The following CELF2 variants were observed in gnomAD, a reference collection of about 807,000 sequenced individuals.
CELF2 encodes CUGBP Elav-like family member 2, also known as CUG triplet repeat RNA-binding protein 2.
A neutral mutation model predicts 62.6 loss-of-function variants in CELF2; 8 were observed. The ratio of observed to expected loss-of-function variants is 0.13; its 90% CI spans 0.07 to 0.23. The LOEUF (loss-of-function observed/expected upper bound fraction) is 0.23. Among genes scored for constraint, CELF2 ranks in the 10% least tolerant of loss-of-function variants. The pLI, the probability that CELF2 is intolerant of heterozygous loss-of-function variation, is 1.00. For synonymous variants in CELF2, 258 were observed against 250.0 expected (o/e 1.03, Z -0.30); for missense variants, 333 against 671.0 (o/e 0.50, Z 5.56).
chr10:10,686,261 T>G, the CELF2 span, among the ~76,000 whole-genome samples: 1 of 131,922 alleles, frequency 7.6e-6, no homozygotes, highest in East Asian at 2.3e-4. Flanking sequence ...CCTGGAAACT[T>G]AATTGCTAAA....
the CELF2 span, among the ~76,000 whole-genome samples, chr10:10,653,267 G>C: frequency 1.3e-5 from 2 of 151,796 alleles, no homozygotes; most frequent in Non-Finnish European, 2.9e-5. Flanking sequence ...CATTCATAAT[G>C]GGAGACTTTA....
At chr10:11,258,143 A>C (rs1287604053) in intron 5 of CELF2, among the ~76,000 whole-genome samples, 1 of 152,228 alleles carries the variant, frequency 6.6e-6, no homozygotes, top group Non-Finnish European at 1.5e-5. Flanking sequence ...CATCCTTTTC[A>C]ATCTCATATT....
chr10:11,009,357 G>A (rs185490918), intron 1 of CELF2, among the ~76,000 whole-genome samples: 1 of 152,188 alleles, frequency 6.6e-6, no homozygotes, highest in African/African-American at 2.4e-5. Flanking sequence ...GTGAGTGTGT[G>A]TGTGTGCGTG....
the CELF2 span, among the ~76,000 whole-genome samples, chr10:10,554,877 G>A: frequency 2.6e-5 from 4 of 152,166 alleles, no homozygotes; most frequent in African/African-American, 9.7e-5. Context: ...CATATAAGGT[G>A]TAAGATGCAA....
At chr10:10,639,217 C>T in the CELF2 span, among the ~76,000 whole-genome samples, 1 of 152,008 alleles carries the variant, frequency 6.6e-6, no homozygotes, top group African/African-American at 2.4e-5. Flanking sequence ...AATTAAATAC[C>T]CTAAGTGTCT....
rs34163796 is a variant in CELF2, at chr10:10,913,379, C to CTTT, written c.54-6559_54-6557dup. Among the ~76,000 whole-genome samples, 167 of 57,362 alleles carry CTTT rather than the reference C, an allele frequency of 2.9e-3. 36 individuals carry two copies. The highest frequency in any genetic ancestry group is 5.1e-3 in the African/African-American group (64 of 12,538). 37.6% of individuals were successfully genotyped at this position (57,362 alleles called of 152,430 possible). A position where few individuals can be genotyped will look rare whatever the true frequency, so the allele number is the denominator to read the frequency against. ...AATATATATGCCTTTGTAATGATGT[C>CTTT]TTTTTTTTTTTTTTTTTTTTTTTTT... On this transcript the variant is annotated intron_variant, in intron 1 of 13. Coordinates refer to the CELF2 transcript ENST00000636488.
chr10:10,976,489 A>G (rs1455102736), intron 2 of CELF2, among the ~76,000 whole-genome samples: 2 of 151,856 alleles, frequency 1.3e-5, no homozygotes, highest in East Asian at 3.9e-4. Context: ...TTTTATGTTA[A>G]GCCATTTTAC....
chr10:11,033,859 C>G (rs566816212), intron 1 of CELF2, among the ~76,000 whole-genome samples: 1 of 152,138 alleles, frequency 6.6e-6, no homozygotes, highest in Admixed American at 6.5e-5. Context: ...TTAGGACTTA[C>G]GAGTTACAAG....
At chr10:10,549,412 T>C in the CELF2 span, among the ~76,000 whole-genome samples, 1 of 152,178 alleles carries the variant, frequency 6.6e-6, no homozygotes, top group African/African-American at 2.4e-5. Context: ...GTCTCCCAAG[T>C]AGCTGAGACT....
rs1027590009 is a variant in CELF2 at position 11,207,478 on chromosome 10, G to T, written c.272-9947G>T. On this transcript the variant is annotated intron_variant, in intron 2 of 12. Coordinates refer to ENST00000633077, the MANE Select transcript of CELF2 (RefSeq NM_001326342.2). This position sits in a 1 kb window ranked among gnomAD's most constrained non-coding sequence, Gnocchi z 4.1. Reference sequence around the variant, plus strand: ...TGCCAGGGACCCCAGTGAGATCATTGTTCCCTCCCGGGCTGAAAAGGTGGC... The same window carrying T: ...TGCCAGGGACCCCAGTGAGATCATTTTTCCCTCCCGGGCTGAAAAGGTGGC... 3.9e-5 allele frequency among the ~76,000 whole-genome samples: 6 copies of T among 152,314 alleles called. No individual in the cohort carries two copies. The highest frequency in any genetic ancestry group is 1.9e-4 in the East Asian group (1 of 5,180).
At chr10:10,949,997 A>C (rs917346251) in intron 2 of CELF2, among the ~76,000 whole-genome samples, 4 of 152,076 alleles carry the variant, frequency 2.6e-5, no homozygotes, top group African/African-American at 9.7e-5. Context: ...TTCCCTTTCT[A>C]ACCTTTGGTT....
the CELF2 span, among the ~76,000 whole-genome samples, chr10:10,720,432 T>C: frequency 1.3e-5 from 2 of 152,130 alleles, no homozygotes; most frequent in South Asian, 4.1e-4. Context: ...TGATCACCTA[T>C]GAAAAGCGCC....
At position 11,328,149 on chromosome 10, in the gene CELF2, A is replaced by ATGAT. The variant is rs1310349596; in HGVS notation, c.1439-775_1439-772dup. On this transcript the variant is annotated intron_variant, in intron 12 of 12. Transcript: ENST00000633077. This position sits in a 1 kb window ranked among gnomAD's most constrained non-coding sequence, Gnocchi z 6.4. ...GTAAGAGATGGGGAATTCTCTTCAGATGATTAAGTTCTAAGCCGTTGACTA... is the reference window on the plus strand; with the variant it reads ...GTAAGAGATGGGGAATTCTCTTCAGATGATTGATTAAGTTCTAAGCCGTTGACTA... Among the ~76,000 whole-genome samples the ATGAT allele has an allele frequency of 1.1e-4, 17 of 152,152 alleles. No individual in the cohort carries two copies. Among genetic ancestry groups the ATGAT allele is most frequent in the African/African-American group, 4.1e-4 (17 of 41,432 alleles).
intron 2 of CELF2, among the ~76,000 whole-genome samples, chr10:10,998,005 A>T (rs969932457): frequency 3.3e-5 from 5 of 152,062 alleles, no homozygotes; most frequent in African/African-American, 4.8e-5. Flanking sequence ...GTCTCATGAG[A>T]TCTGATGGTT....
the CELF2 span, among the ~76,000 whole-genome samples, chr10:10,478,591 G>T: frequency 6.6e-6 from 1 of 152,106 alleles, no homozygotes; most frequent in Non-Finnish European, 1.5e-5. Context: ...ATGATGTTTT[G>T]GTTGTATTTG....
intron 5 of CELF2, among the ~76,000 whole-genome samples, chr10:11,261,597 C>T (rs1374718789): frequency 6.6e-6 from 1 of 152,214 alleles, no homozygotes; most frequent in Non-Finnish European, 1.5e-5. Context: ...TCTCGAAGAT[C>T]CAAGGACTCT....
the CELF2 span, among the ~76,000 whole-genome samples, chr10:10,662,785 G>A: frequency 6.6e-6 from 1 of 152,182 alleles, no homozygotes; most frequent in South Asian, 2.1e-4. Context: ...TGACATAGTA[G>A]CTTTGCTTTC....
intron 2 of CELF2, among the ~76,000 whole-genome samples, chr10:10,967,332 A>AGT (rs1564281162): frequency 6.6e-6 from 1 of 152,192 alleles, no homozygotes; most frequent in African/African-American, 2.4e-5. Context: ...ACTATATAGG[A>AGT]GAAACTTTTA....
chr10:10,839,318 A>G (rs983656359), intron 1 of CELF2, among the ~76,000 whole-genome samples: 2 of 152,186 alleles, frequency 1.3e-5, no homozygotes, highest in Non-Finnish European at 2.9e-5. Context: ...CCTCTATATA[A>G]ATAGTAAGCT....
Sources: gnomAD v4.1 joint callset for allele counts (sites outside exome capture counted in the v4.1 genomes callset) on GRCh38, gnomAD v4.1.1 for gene constraint, Gnocchi (gnomAD v3.1) non-coding constraint, MANE v1.5 for transcripts, NCBI Gene and HGNC (gene_info 2026-07-23, HGNC 2026-07-21) for gene names.